MEGF11: variants seen among roughly 807,000 people sequenced by gnomAD.
MEGF11 encodes the protein multiple epidermal growth factor-like domains protein 11.
In MEGF11, 126 loss-of-function variants were observed where a neutral mutation model predicts 146.6. That is an observed-to-expected ratio of 0.86 (90% CI 0.74 to 1.00). MEGF11 has a LOEUF of 1.00. Among genes scored for constraint, MEGF11 ranks in the 50% least tolerant of loss-of-function variants. MEGF11 has a pLI of 0.00. For synonymous variants in MEGF11, 532 were observed against 583.4 expected (o/e 0.91, Z 1.27); for missense variants, 1,509 against 1,521.2 (o/e 0.99, Z 0.13).
chr15:65,968,383 T>C (rs2081188843), intron 8 of MEGF11, among the ~76,000 whole-genome samples: 1 of 152,168 alleles, frequency 6.6e-6, no homozygotes, highest in Non-Finnish European at 1.5e-5. Flanking sequence ...TCCTGATACC[T>C]GTTCCTTTTC....
intron 9 of MEGF11, among the ~76,000 whole-genome samples, chr15:65,962,677 A>T (rs1369465331): frequency 6.6e-6 from 1 of 152,188 alleles, no homozygotes; most frequent in Non-Finnish European, 1.5e-5. Flanking sequence ...GGGCTGTTTA[A>T]GATGAGTTCA....
chr15:66,212,296 C>T (rs979076095), intron 1 of MEGF11, among the ~76,000 whole-genome samples: 2 of 152,156 alleles, frequency 1.3e-5, no homozygotes, highest in Admixed American at 6.5e-5. Flanking sequence ...ACACCACGGC[C>T]GAACCCCAGG....
intron 5 of MEGF11, among the ~76,000 whole-genome samples, chr15:66,006,404 C>G (rs1007628852): frequency 6.6e-6 from 1 of 152,218 alleles, no homozygotes; most frequent in African/African-American, 2.4e-5. Flanking sequence ...AGAAGCCAAA[C>G]CATTCCATTT....
chr15:66,132,731 C>A (rs1287192081), intron 1 of MEGF11, among the ~76,000 whole-genome samples: 3 of 152,138 alleles, frequency 2.0e-5, no homozygotes, highest in Non-Finnish European at 4.4e-5. Flanking sequence ...ATGTACCGTG[C>A]CTATATTGCT....
chr15:66,122,578 C>A, intron 3 of MEGF11, among the ~76,000 whole-genome samples: 1 of 152,176 alleles, frequency 6.6e-6, no homozygotes, highest in African/African-American at 2.4e-5. Flanking sequence ...AAAGGGCCCA[C>A]CCTGGGGTCT....
At chr15:66,252,560 C>T (rs1209698365) in intron 1 of MEGF11, among the ~76,000 whole-genome samples, 1 of 152,158 alleles carries the variant, frequency 6.6e-6, no homozygotes, top group African/African-American at 2.4e-5. Context: ...GCCCGCGAGT[C>T]CAGGTCCGGG....
rs190503894 is a variant in MEGF11, at chr15:66,155,386, C to T, written c.-8-26975G>A. 1.0e-3 allele frequency among the ~76,000 whole-genome samples: 155 copies of T among 152,254 alleles called. 3 individuals carry two copies. The South Asian group carries it at 0.02, about 19-fold the overall frequency. On this transcript the variant is annotated intron_variant, in intron 1 of 25. Coordinates refer to ENST00000395614, the MANE Select transcript of MEGF11 (RefSeq NM_001385028.1). Reference sequence around the variant, plus strand: ...AGAGGCCGGGTGAACCCTAAGAGACCGGGTTCTCTGAGCCTGGGAAGAAAA... The same window carrying T: ...AGAGGCCGGGTGAACCCTAAGAGACTGGGTTCTCTGAGCCTGGGAAGAAAA...
chr15:66,003,141 G>A (rs961976917), intron 5 of MEGF11, among the ~76,000 whole-genome samples: 7 of 151,862 alleles, frequency 4.6e-5, no homozygotes, highest in African/African-American at 7.3e-5. Flanking sequence ...TTACAGGTGC[G>A]CACCACCACG....
chr15:66,200,498 G>A (rs917399856), intron 1 of MEGF11, among the ~76,000 whole-genome samples: 2 of 152,066 alleles, frequency 1.3e-5, no homozygotes, highest in African/African-American at 2.4e-5. Context: ...CTTTTCCTAG[G>A]TAGTTATTTT....
At chr15:65,939,634 A>C (rs575440127) in intron 10 of MEGF11, among the ~76,000 whole-genome samples, 37 of 151,936 alleles carry the variant, frequency 2.4e-4, no homozygotes, top group Admixed American at 1.3e-3. Context: ...AGCTGGCATT[A>C]CAGGCGCATG....
chr15:65,936,638 C>T (rs1028232354), intron 10 of MEGF11, among the ~76,000 whole-genome samples: 6 of 152,204 alleles, frequency 3.9e-5, no homozygotes, highest in Admixed American at 3.9e-4. Context: ...CACAGGTATA[C>T]TCATGCCTAC....
chr15:65,961,458 A>T (rs1224641321), intron 9 of MEGF11, among the ~76,000 whole-genome samples: 1 of 152,224 alleles, frequency 6.6e-6, no homozygotes, highest in Admixed American at 6.5e-5. Context: ...TTCAAAGGTA[A>T]TACACGATCA....
chr15:66,201,903 T>C (rs1321899708), intron 1 of MEGF11, among the ~76,000 whole-genome samples: 4 of 129,618 alleles, frequency 3.1e-5, no homozygotes, highest in East Asian at 4.5e-4. Context: ...GCCAAGATTG[T>C]GCCACTGCAC....
intron 24 of MEGF11, among the ~76,000 whole-genome samples, chr15:65,900,240 C>A (rs541922005): frequency 6.6e-6 from 1 of 152,328 alleles, no homozygotes; most frequent in East Asian, 1.9e-4. Flanking sequence ...CTTGGATGAT[C>A]TGTCACTAGA....
At chr15:66,056,158 GT>G in intron 5 of MEGF11, among the ~76,000 whole-genome samples, 1 of 152,184 alleles carries the variant, frequency 6.6e-6, no homozygotes, top group Non-Finnish European at 1.5e-5. Flanking sequence ...GTGCATTCCA[GT>G]GGGAGAAGTG....
chr15:66,020,694 T>G (rs1288061573), intron 5 of MEGF11, among the ~76,000 whole-genome samples: 2 of 152,072 alleles, frequency 1.3e-5, no homozygotes. Context: ...GGAGATATCT[T>G]TAAGAATTAC....
chr15:66,127,237 A>G (rs1159559400), intron 2 of MEGF11, among the ~76,000 whole-genome samples: 1 of 152,202 alleles, frequency 6.6e-6, no homozygotes, highest in Non-Finnish European at 1.5e-5. Context: ...TTTTCTTCCC[A>G]CTTCACCAAA....
At chr15:65,906,987 T>C (rs894358308) in intron 23 of MEGF11, among the ~76,000 whole-genome samples, 1 of 152,148 alleles carries the variant, frequency 6.6e-6, no homozygotes, top group Non-Finnish European at 1.5e-5. Context: ...GAAAAGAAAT[T>C]GTTTGGCATT....
intron 1 of MEGF11, among the ~76,000 whole-genome samples, chr15:66,133,281 G>A (rs1357961051): frequency 6.6e-6 from 1 of 152,202 alleles, no homozygotes; most frequent in Non-Finnish European, 1.5e-5. Context: ...GGCAGGCATT[G>A]AAGCACAGGC....
Sources: gnomAD v4.1 joint callset for allele counts (sites outside exome capture counted in the v4.1 genomes callset) on GRCh38, gnomAD v4.1.1 for gene constraint, MANE v1.5 for transcripts, NCBI Gene and HGNC (gene_info 2026-07-23, HGNC 2026-07-21) for gene names.